The following PEX13 variants were observed in gnomAD, a reference collection of about 807,000 sequenced individuals.
PEX13 encodes peroxisome biogenesis factor 13.
Under a neutral mutation model 34.5 loss-of-function variants are expected in PEX13, and 28 were observed. The ratio of observed to expected loss-of-function variants is 0.81; its 90% CI spans 0.60 to 1.11. The LOEUF (loss-of-function observed/expected upper bound fraction) is 1.11. Among genes scored for constraint, PEX13 ranks in the 50% most tolerant of loss-of-function variants. The pLI is 0.00. For missense variants in PEX13, 550 were observed against 491.0 expected (o/e 1.12, Z -1.13); for synonymous variants, 177 against 175.1 (o/e 1.01, Z -0.09).
chr2:61,037,849 A>G (rs1181635118), intron 2 of PEX13, among the ~76,000 whole-genome samples: 1 of 152,164 alleles, frequency 6.6e-6, no homozygotes, highest in Non-Finnish European at 1.5e-5. Flanking sequence ...GATCAACAAA[A>G]TAGACTGCTA....
chr2:61,027,065 G>A (rs1277824415), intron 1 of PEX13, among the ~76,000 whole-genome samples: 1 of 151,602 alleles, frequency 6.6e-6, no homozygotes, highest in African/African-American at 2.4e-5. Context: ...GCTCACACCT[G>A]TAATCTTAGC....
At chr2:61,028,214 G>A (rs1181938676) in intron 1 of PEX13, among the ~76,000 whole-genome samples, 1 of 152,130 alleles carries the variant, frequency 6.6e-6, no homozygotes, top group Non-Finnish European at 1.5e-5. Context: ...GCCTCCTAAA[G>A]TAATACTGTG....
In PEX13 at chr2:61,048,525, A is replaced by G. The variant is rs753122073; in HGVS notation, c.967A>G (p.Thr323Ala). Residue 323 changes from threonine to alanine, a missense_variant, in exon 4 of 4, where the codon ACA (threonine) becomes GCA (alanine). Coordinates refer to ENST00000295030, the MANE Select transcript of PEX13 (RefSeq NM_002618.4). ...WLLASLDGQT[T>A]GLIPANYVKI... ...TCTGGCTAGCCTTGATGGCCAAACA[A>G]CAGGACTTATACCTGCGAATTATGT... The G allele has an allele frequency of 1.5e-5, 25 of 1,614,150 alleles. No individual in the cohort carries two copies. The South Asian group carries it at 2.2e-4, about 14-fold the overall frequency.
chr2:61,040,505 A>G (rs1318079228), intron 2 of PEX13, among the ~76,000 whole-genome samples: 1 of 152,076 alleles, frequency 6.6e-6, no homozygotes, highest in Admixed American at 6.5e-5. Context: ...CAAACACCGC[A>G]TGTTCTCACT....
At chr2:61,020,499 C>G (rs541361911) in intron 1 of PEX13, among the ~76,000 whole-genome samples, 2 of 152,230 alleles carry the variant, frequency 1.3e-5, no homozygotes, top group East Asian at 3.9e-4. Context: ...CTGTCATTTA[C>G]AGATAAGCTA....
rs1680770467 is a variant in PEX13 at position 61,050,062 on chromosome 2, C to A, written c.*1292C>A. 1 of 152,254 alleles carries A rather than the reference C, an allele frequency of 6.6e-6. No individual in the cohort carries two copies. Among genetic ancestry groups the A allele is most frequent in the Non-Finnish European group, 1.5e-5 (1 of 68,022 alleles). The allele number at this position is 152,254 out of a possible 1,614,324, so 9.4% of individuals were successfully genotyped here. On this transcript the variant is annotated 3_prime_UTR_variant, in exon 4 of 4. Coordinates refer to ENST00000295030, the MANE Select transcript of PEX13 (RefSeq NM_002618.4). ...TTAGGTTTAGTTTTTACTACTGAGA[C>A]TTATTTATAGTCTTAGTGCTCTATT...
In PEX13 at chr2:61,051,538, C is replaced by G. The variant is rs1007275792; in HGVS notation, c.*2768C>G. The G allele has an allele frequency of 2.0e-5, 3 of 152,218 alleles. No homozygotes were observed. The highest frequency in any genetic ancestry group is 4.4e-5 in the Non-Finnish European group (3 of 68,010). 9.4% of individuals were successfully genotyped at this position (152,218 alleles called of 1,614,324 possible). On this transcript the variant is annotated 3_prime_UTR_variant, in exon 4 of 4. Transcript: ENST00000295030. ...AAAATTCTGGAGAAGGAATTCAGGA[C>G]TAGAATAAAGAGAAATTTTGTAACC... is the stretch of plus-strand genomic sequence containing the variant.
At position 61,031,989 on chromosome 2, in the gene PEX13, T is replaced by TCAA. The variant is rs1680459783; in HGVS notation, c.663_664insCAA (p.Leu221_Gly222insGln). On this transcript the variant is annotated inframe_insertion, in exon 2 of 4. Coordinates refer to ENST00000295030, the MANE Select transcript of PEX13 (RefSeq NM_002618.4). ...AGAGTGAAGGAACTGTGGCATGCCT[T>TCAA]GGTGCTGAGGACCGAGCAGCTACCT... 1 of 1,613,814 alleles carries TCAA rather than the reference T, an allele frequency of 6.2e-7. No homozygotes were observed. The highest frequency in any genetic ancestry group is 8.5e-7 in the Non-Finnish European group (1 of 1,179,840).
intron 2 of PEX13, among the ~76,000 whole-genome samples, chr2:61,035,776 G>A (rs997926021): frequency 6.6e-6 from 1 of 152,140 alleles, no homozygotes. Context: ...CTGAGGTCGA[G>A]AGTTCGAGAC....
Position 61,048,593 on chromosome 2 carries a change from A to G in PEX13, c.1035A>G (p.Ser345=). The change falls in exon 4 of 4, where the codon TCA becomes TCG. Residue 345 remains serine, a synonymous_variant. Transcript: ENST00000295030. ...GAAAAGGTAGGAAAACGGTGGAATC[A>G]AGTAAAGTTTCCAAGCAGCAACAAT... The part of the protein sequence containing the change: ...GKRKGRKTVE[S]SKVSKQQQSF... The G allele has an allele frequency of 6.2e-7, 1 of 1,614,148 alleles. No individual in the cohort carries two copies. The highest frequency in any genetic ancestry group is 8.5e-7 in the Non-Finnish European group (1 of 1,180,012).
At chr2:61,029,161 C>T (rs1271900027) in intron 1 of PEX13, among the ~76,000 whole-genome samples, 3 of 144,810 alleles carry the variant, frequency 2.1e-5, no homozygotes, top group African/African-American at 5.1e-5. Flanking sequence ...AAAAAGAGGG[C>T]GAACTTAAAA....
At chr2:61,044,482 C>T (rs978384071) in intron 2 of PEX13, among the ~76,000 whole-genome samples, 2 of 152,144 alleles carry the variant, frequency 1.3e-5, no homozygotes, top group African/African-American at 2.4e-5. Flanking sequence ...AACTGCTGGA[C>T]TCATGCAATT....
Position 61,031,674 on chromosome 2 carries a change from T to C in PEX13, c.348T>C (p.Ser116=), listed in dbSNP as rs570324389. Reference sequence around the variant, plus strand: ...TCCGTGTAGATGATCTTCCACCCAGTAGATTTGTTCAGCAAGCTGAAGAAA... The same window carrying C: ...TCCGTGTAGATGATCTTCCACCCAGCAGATTTGTTCAGCAAGCTGAAGAAA... ...NRLRVDDLPP[S]RFVQQAEESS... The change falls in exon 2 of 4, where the codon AGT becomes AGC. Residue 116 remains serine, a synonymous_variant. Coordinates refer to ENST00000295030, the MANE Select transcript of PEX13 (RefSeq NM_002618.4). 2.5e-6 allele frequency: 4 copies of C among 1,614,164 alleles called. No individual in the cohort carries two copies. Among genetic ancestry groups the C allele is most frequent in the Middle Eastern group, 1.6e-4 (1 of 6,062 alleles).
At chr2:61,033,704 C>T (rs1413572493) in intron 2 of PEX13, among the ~76,000 whole-genome samples, 1 of 152,080 alleles carries the variant, frequency 6.6e-6, no homozygotes, top group Non-Finnish European at 1.5e-5. Context: ...GGGAACGCCT[C>T]CCTGAAGGAG....
intron 2 of PEX13, among the ~76,000 whole-genome samples, chr2:61,039,979 A>G (rs1680595717): frequency 6.6e-6 from 1 of 152,192 alleles, no homozygotes; most frequent in Non-Finnish European, 1.5e-5. Flanking sequence ...GCCAACAAAC[A>G]TATGAAAAAA....
At position 61,017,835 on chromosome 2, in the gene PEX13, C is replaced by G. The variant is rs1176337745; in HGVS notation, c.76C>G (p.Pro26Ala). The stretch of plus-strand genomic sequence containing the variant: ...TCCGGGAGCCGGACCGGGACCAGGA[C>G]CGGGCCCCACTTTCCAGTGAGTGTG... ...RIPGAGPGPG[P>A]GPTFQSADLG... Residue 26 changes from proline (P) to alanine (A), a missense_variant, in exon 1 of 4, where the codon CCG (proline) becomes GCG (alanine). Pro to Ala is a conservative substitution (Grantham distance 27, BLOSUM62 -1). Transcript: ENST00000295030. The G allele has an allele frequency of 2.6e-6, 4 of 1,550,396 alleles. No homozygotes were observed. The South Asian group carries it at 4.8e-5, about 18-fold the overall frequency.
intron 1 of PEX13, among the ~76,000 whole-genome samples, chr2:61,024,385 A>G (rs966727032): frequency 6.6e-6 from 1 of 152,108 alleles, no homozygotes. Flanking sequence ...ATATGTCACT[A>G]TACTCCCTGT....
intron 1 of PEX13, among the ~76,000 whole-genome samples, chr2:61,029,868 G>T (rs1392627526): frequency 6.6e-6 from 1 of 151,542 alleles, no homozygotes; most frequent in African/African-American, 2.4e-5. Context: ...AACATGTACA[G>T]ACTTTATTCC....
chr2:61,021,511 C>A (rs1475921984), intron 1 of PEX13, among the ~76,000 whole-genome samples: 2 of 152,182 alleles, frequency 1.3e-5, no homozygotes, highest in Non-Finnish European at 2.9e-5. Context: ...AAACAGAGCG[C>A]CCAGGAAGCT....
Sources: gnomAD v4.1 joint callset for allele counts (sites outside exome capture counted in the v4.1 genomes callset) on GRCh38, gnomAD v4.1.1 for gene constraint, MANE v1.5 for transcripts, NCBI Gene and HGNC (gene_info 2026-07-23, HGNC 2026-07-21) for gene names.